SUCLG2: variants seen among roughly 807,000 people sequenced by gnomAD.
SUCLG2 encodes succinate--CoA ligase [GDP-forming] subunit beta, mitochondrial.
A neutral mutation model predicts 47.9 loss-of-function variants in SUCLG2; 42 were observed. That is an observed-to-expected ratio of 0.88 (90% confidence interval 0.69 to 1.14). The LOEUF is 1.14. SUCLG2 is among the 50% of genes most tolerant of loss of function. The pLI is 0.00. For missense variants in SUCLG2, 571 were observed against 525.9 expected (o/e 1.09, Z -0.84); for synonymous variants, 195 against 197.3 (o/e 0.99, Z 0.10).
chr3:67,593,054 GT>G (rs1708209241), intron 2 of SUCLG2, among the ~76,000 whole-genome samples: 1 of 152,174 alleles, frequency 6.6e-6, no homozygotes, highest in African/African-American at 2.4e-5. Flanking sequence ...GATACAATTT[GT>G]GTACATTACT....
chr3:67,423,268 G>A (rs1703215939), intron 9 of SUCLG2, among the ~76,000 whole-genome samples: 1 of 152,088 alleles, frequency 6.6e-6, no homozygotes, highest in Admixed American at 6.5e-5. Flanking sequence ...ACCACCCTGT[G>A]AAGAGGTGCC....
intron 1 of SUCLG2, among the ~76,000 whole-genome samples, chr3:67,628,758 G>A (rs1700877925): frequency 6.6e-6 from 1 of 152,182 alleles, no homozygotes; most frequent in African/African-American, 2.4e-5. Context: ...CCATGATTGT[G>A]AGGCCTCCCC....
intron 2 of SUCLG2, among the ~76,000 whole-genome samples, chr3:67,553,316 T>A (rs1707066186): frequency 6.6e-6 from 1 of 152,254 alleles, no homozygotes; most frequent in African/African-American, 2.4e-5. Flanking sequence ...CATGGTGGCT[T>A]TGCCACAAAG....
At chr3:67,646,324 C>T (rs1446638522) in intron 1 of SUCLG2, among the ~76,000 whole-genome samples, 2 of 152,132 alleles carry the variant, frequency 1.3e-5, no homozygotes, top group African/African-American at 2.4e-5. Flanking sequence ...TGGCCGGGCA[C>T]GGTGGCTCAC....
chr3:67,532,225 T>G (rs1706423064), intron 2 of SUCLG2, among the ~76,000 whole-genome samples: 1 of 152,168 alleles, frequency 6.6e-6, no homozygotes, highest in African/African-American at 2.4e-5. Context: ...AACCTCTGCC[T>G]CCCGGGTTCA....
chr3:67,648,303 A>G (rs966406777), intron 1 of SUCLG2, among the ~76,000 whole-genome samples: 1 of 152,160 alleles, frequency 6.6e-6, no homozygotes, highest in Admixed American at 6.5e-5. Flanking sequence ...AGCCAGAGAG[A>G]GAGGAAGGTG....
intron 9 of SUCLG2, among the ~76,000 whole-genome samples, chr3:67,415,451 C>T (rs1559517811): frequency 2.0e-5 from 3 of 152,154 alleles, no homozygotes; most frequent in Non-Finnish European, 2.9e-5. Flanking sequence ...TATCTCACCA[C>T]GACCCTATAA....
intron 2 of SUCLG2, among the ~76,000 whole-genome samples, chr3:67,598,094 C>T (rs1708335864): frequency 1.3e-5 from 2 of 152,040 alleles, no homozygotes. Context: ...AATTTTCCTG[C>T]CTCAGCCTCC....
intron 10 of SUCLG2, among the ~76,000 whole-genome samples, chr3:67,380,088 C>A (rs534200811): frequency 6.6e-6 from 1 of 152,128 alleles, no homozygotes; most frequent in African/African-American, 2.4e-5. Context: ...TTTGATAGAT[C>A]TCCTTGCTGT....
intron 1 of SUCLG2, among the ~76,000 whole-genome samples, chr3:67,635,289 G>A (rs896703096): frequency 2.6e-5 from 4 of 152,198 alleles, no homozygotes; most frequent in African/African-American, 9.6e-5. Context: ...CTGGTTATCA[G>A]TTTTTCAGAC....
Position 67,470,063 on chromosome 3 carries a change from A to T in SUCLG2, c.1062+25735T>A, listed in dbSNP as rs941318365. On this transcript the variant is annotated intron_variant, in intron 9 of 10. Coordinates refer to ENST00000307227, the MANE Select transcript of SUCLG2 (RefSeq NM_003848.4). ...TCCATATCAAAAAAAAAAAAAAAAA[A>T]ATGTTGTCCAAGGAATTAACTTTCT... is the stretch of plus-strand genomic sequence containing the variant. 7.7e-4 allele frequency among the ~76,000 whole-genome samples: 117 copies of T among 151,656 alleles called. 1 individual carries two copies. Among genetic ancestry groups the T allele is most frequent in the Non-Finnish European group, 1.6e-4 (11 of 67,854 alleles).
chr3:67,394,365 C>T (rs981816025), intron 10 of SUCLG2, among the ~76,000 whole-genome samples: 8 of 148,826 alleles, frequency 5.4e-5, no homozygotes, highest in South Asian at 2.1e-4. Context: ...TCGAGAACTA[C>T]TTGAAGAATG....
chr3:67,495,715 A>C (rs1393696882), intron 9 of SUCLG2, 83 bp downstream of exon 9: 17 of 1,549,386 alleles, frequency 1.1e-5, no homozygotes, highest in Non-Finnish European at 1.4e-5. Flanking sequence ...TGACTTATCA[A>C]CTCTCACCAG....
At chr3:67,576,892 C>G (rs1173079836) in intron 2 of SUCLG2, among the ~76,000 whole-genome samples, 1 of 151,976 alleles carries the variant, frequency 6.6e-6, no homozygotes, top group Admixed American at 6.6e-5. Flanking sequence ...ATAAACTTCA[C>G]TTGTCAATAT....
intron 6 of SUCLG2, among the ~76,000 whole-genome samples, chr3:67,510,543 C>G (rs976644876): frequency 5.3e-5 from 8 of 152,204 alleles, no homozygotes; most frequent in African/African-American, 1.9e-4. Flanking sequence ...ATGCCTAACA[C>G]AGTACGCATT....
chr3:67,439,631 T>A (rs528030139), intron 9 of SUCLG2, among the ~76,000 whole-genome samples: 1 of 152,118 alleles, frequency 6.6e-6, no homozygotes, highest in Admixed American at 6.5e-5. Context: ...CCATTCACAA[T>A]TGCTACTAAG....
At chr3:67,393,464 G>A (rs921572429) in intron 10 of SUCLG2, among the ~76,000 whole-genome samples, 8 of 152,146 alleles carry the variant, frequency 5.3e-5, no homozygotes, top group Non-Finnish European at 1.0e-4. Context: ...CAGCGAGGCT[G>A]GGGGAGGGGT....
At chr3:67,612,374 A>C (rs73090989) in intron 1 of SUCLG2, among the ~76,000 whole-genome samples, 1 of 148,350 alleles carries the variant, frequency 6.7e-6, no homozygotes, top group Non-Finnish European at 1.5e-5. Context: ...ACAAAAAAAA[A>C]TGTGATACAT....
rs79578030 is a variant in SUCLG2, at chr3:67,384,210, A to G, written c.1184-8351T>C. ...GAAGAAGTCAGATTCTCAGAGCTTA[A>G]TATTGCCTGCCAAATTCTTACTTGA... On this transcript the variant is annotated intron_variant, in intron 10 of 10. Coordinates refer to ENST00000307227, the MANE Select transcript of SUCLG2 (RefSeq NM_003848.4). 2.4e-3 allele frequency among the ~76,000 whole-genome samples: 372 copies of G among 152,266 alleles called. 1 individual carries two copies. The highest frequency in any genetic ancestry group is 8.3e-3 in the African/African-American group (346 of 41,546).
Sources: gnomAD v4.1 joint callset for allele counts (sites outside exome capture counted in the v4.1 genomes callset) on GRCh38, gnomAD v4.1.1 for gene constraint, MANE v1.5 for transcripts, NCBI Gene and HGNC (gene_info 2026-07-23, HGNC 2026-07-21) for gene names.